RPAP2: variants seen among roughly 807,000 people sequenced by gnomAD.
RPAP2 encodes RNA polymerase II associated protein 2, also known as putative RNA polymerase II subunit B1 CTD phosphatase RPAP2.
RPAP2 carries 52 observed loss-of-function variants against 73.1 expected under a neutral mutation model. That is an observed-to-expected ratio of 0.71 (90% confidence interval 0.57 to 0.90). The LOEUF (loss-of-function observed/expected upper bound fraction) is 0.90. Among genes scored for constraint, RPAP2 ranks in the 40% least tolerant of loss-of-function variants. The pLI is 0.00. For synonymous variants in RPAP2, 225 were observed against 242.1 expected (o/e 0.93, Z 0.65); for missense variants, 598 against 701.8 (o/e 0.85, Z 1.67).
chr1:92,381,234 C>A (rs77280763), intron 12 of RPAP2, among the ~76,000 whole-genome samples: 1 of 152,278 alleles, frequency 6.6e-6, no homozygotes, highest in African/African-American at 2.4e-5. Flanking sequence ...TGCAGTGATC[C>A]ATTGTGAACA....
chr1:92,307,073 ATC>A, intron 5 of RPAP2, 113 bp from the exon 6 acceptor site: 1 of 694,936 alleles, frequency 1.4e-6, no homozygotes, highest in East Asian at 2.8e-5. Context: ...TGGGTGGTAG[ATC>A]TGTAGGTTTC....
intron 9 of RPAP2, 22 bp downstream of exon 9, chr1:92,333,495 C>T (rs764920744): frequency 7.2e-6 from 11 of 1,526,216 alleles, no homozygotes; most frequent in Non-Finnish European, 1.8e-6. Flanking sequence ...ATTGCCATTC[C>T]AGCTTTGTAG....
At chr1:92,318,225 A>G (rs1268460767) in intron 6 of RPAP2, among the ~76,000 whole-genome samples, 1 of 152,076 alleles carries the variant, frequency 6.6e-6, no homozygotes, top group African/African-American at 2.4e-5. Flanking sequence ...CTTGCTGAAC[A>G]TTTTGGGGAA....
chr1:92,374,479 G>A (rs1424531149), intron 11 of RPAP2, among the ~76,000 whole-genome samples: 1 of 152,122 alleles, frequency 6.6e-6, no homozygotes, highest in Non-Finnish European at 1.5e-5. Context: ...ACTCTGAATA[G>A]AACCTTATCT....
rs1183059605 is a variant in RPAP2, at chr1:92,321,858, A to AT, written c.524+1229dup. ...AGAATTAGAAAATGTTTACCCATTT[A>AT]TTTTTATCATTTTATCTTTTCAAAT... is the stretch of plus-strand genomic sequence containing the variant. On this transcript the variant is annotated intron_variant, in intron 7 of 12. Transcript: ENST00000610020. Among the ~76,000 whole-genome samples, 19 of 144,560 alleles carry AT rather than the reference A, an allele frequency of 1.3e-4. No homozygotes were observed. In the East Asian group the frequency reaches 3.5e-3, roughly 27 times the overall value. The allele number at this position is 144,560 out of a possible 152,430, so 94.8% of individuals were successfully genotyped here.
chr1:92,355,653 T>C (rs1654425709), intron 11 of RPAP2, among the ~76,000 whole-genome samples: 1 of 152,192 alleles, frequency 6.6e-6, no homozygotes, highest in South Asian at 2.1e-4. Flanking sequence ...ATGCCTTCTC[T>C]TTCTAGTGCA....
chr1:92,381,588 C>CTTTTT (rs4000737), intron 12 of RPAP2, among the ~76,000 whole-genome samples: 1 of 139,370 alleles, frequency 7.2e-6, no homozygotes, highest in Non-Finnish European at 1.5e-5. Context: ...GGGAGATTTT[C>CTTTTT]TTTTTTTTTT....
In RPAP2 at chr1:92,389,500, C is replaced by A. The variant is rs951392803; in HGVS notation, c.*2489C>A. 3 of 152,222 alleles carry A rather than the reference C, an allele frequency of 2.0e-5. No individual in the cohort carries two copies. The highest frequency in any genetic ancestry group is 2.9e-5 in the Non-Finnish European group (2 of 68,036). 9.4% of individuals were successfully genotyped at this position (152,222 alleles called of 1,614,324 possible). A position where few individuals can be genotyped will look rare whatever the true frequency, so the allele number is the denominator to read the frequency against. ...ATGCCTCTTCTCCTCCAAAGGAACA[C>A]AACTCCTTGCCAGCAAGGGAACAAA... On this transcript the variant is annotated 3_prime_UTR_variant, in exon 13 of 13. Coordinates refer to ENST00000610020, the MANE Select transcript of RPAP2 (RefSeq NM_024813.3).
chr1:92,385,604 A>G (rs7531207), intron 12 of RPAP2, among the ~76,000 whole-genome samples: 3,450 of 152,264 alleles, frequency 0.023, 88 homozygotes, highest in African/African-American at 0.068. Flanking sequence ...AGAGATTTTA[A>G]TATCTAGTAA....
chr1:92,320,098 CAAT>C (rs1400931194), intron 6 of RPAP2, among the ~76,000 whole-genome samples: 1 of 151,830 alleles, frequency 6.6e-6, no homozygotes, highest in Non-Finnish European at 1.5e-5. Flanking sequence ...ATTGTACAGA[CAAT>C]GATGACTCTG....
intron 10 of RPAP2, among the ~76,000 whole-genome samples, chr1:92,340,634 A>G (rs1653542235): frequency 6.6e-6 from 1 of 152,204 alleles, no homozygotes; most frequent in African/African-American, 2.4e-5. Context: ...CTCAGACATT[A>G]GTATTTTCTA....
chr1:92,299,803 TTTG>T (rs1261971190), intron 1 of RPAP2, among the ~76,000 whole-genome samples: 7 of 152,176 alleles, frequency 4.6e-5, no homozygotes, highest in African/African-American at 9.7e-5. Context: ...TGGTCTACAG[TTTG>T]TTATTTGTGT....
chr1:92,326,785 A>T (rs1028492887), intron 8 of RPAP2, among the ~76,000 whole-genome samples: 2 of 152,236 alleles, frequency 1.3e-5, no homozygotes, highest in Non-Finnish European at 2.9e-5. Flanking sequence ...CCAAAAGACC[A>T]GTTTCACTCC....
rs75929031 is a variant in RPAP2, at chr1:92,344,041, C to T, written c.1620-1805C>T. Among the ~76,000 whole-genome samples the T allele has an allele frequency of 7.2e-3, 1,090 of 152,232 alleles. 12 individuals carry two copies. The highest frequency in any genetic ancestry group is 0.025 in the African/African-American group (1,043 of 41,538). On this transcript the variant is annotated intron_variant, in intron 10 of 12. Transcript: ENST00000610020. Reference sequence around the variant, plus strand: ...CTGCTACTGTGAAGTAGATGTGTATCCTTCTAGTCTTTTTTTTGTATGTTT... The same window carrying T: ...CTGCTACTGTGAAGTAGATGTGTATTCTTCTAGTCTTTTTTTTGTATGTTT...
chr1:92,383,254 T>C (rs2101453961), intron 12 of RPAP2, among the ~76,000 whole-genome samples: 1 of 152,348 alleles, frequency 6.6e-6, no homozygotes, highest in Admixed American at 6.5e-5. Flanking sequence ...CAATGCAGGC[T>C]CTTTTTTGGT....
intron 11 of RPAP2, among the ~76,000 whole-genome samples, chr1:92,356,953 C>G (rs936321217): frequency 6.6e-6 from 1 of 151,838 alleles, no homozygotes; most frequent in Admixed American, 6.6e-5. Flanking sequence ...GTAATCTCAG[C>G]TACTCAGGAT....
chr1:92,359,637 C>A (rs1347266182), intron 11 of RPAP2, among the ~76,000 whole-genome samples: 1 of 152,194 alleles, frequency 6.6e-6, no homozygotes, highest in African/African-American at 2.4e-5. Context: ...TGGTTTTATA[C>A]CTGTTTTGCA....
At chr1:92,305,432 CAAAAAAA>C (rs71091273) in intron 5 of RPAP2, among the ~76,000 whole-genome samples, 2 of 52,696 alleles carry the variant, frequency 3.8e-5, no homozygotes, top group Non-Finnish European at 5.8e-5. Flanking sequence ...GGCTCCGTCT[CAAAAAAA>C]AAAAAAAAAA....
In RPAP2 at chr1:92,337,995, A is replaced by G. The variant is rs116951730; in HGVS notation, c.1619+1568A>G. On this transcript the variant is annotated intron_variant, in intron 10 of 12. Transcript: ENST00000610020. ...TTGAGAAAGTAATCTAGTGTATTCA[A>G]TGTTTGTATTAACTATCATTCTGTT... Among the ~76,000 whole-genome samples, 108 of 152,276 alleles carry G rather than the reference A, an allele frequency of 7.1e-4. No homozygotes were observed. In the East Asian group the frequency reaches 0.015, roughly 21 times the overall value.
Sources: allele counts gnomAD v4.1 joint callset (sites outside exome capture counted in the v4.1 genomes callset), GRCh38; gene constraint gnomAD v4.1.1; transcripts MANE v1.5; gene names NCBI Gene and HGNC (gene_info 2026-07-23, HGNC 2026-07-21).